The following ASCC3 variants were observed in gnomAD, a reference collection of about 807,000 sequenced individuals.
The protein encoded by ASCC3 is activating signal cointegrator 1 complex subunit 3, also known as ASC-1 complex subunit P200.
In ASCC3, 158 loss-of-function variants were observed where a neutral mutation model predicts 256.3. The observed-to-expected ratio is 0.62, with a 90% CI of 0.54 to 0.70. The LOEUF (loss-of-function observed/expected upper bound fraction) is 0.70. ASCC3 is among the 30% of genes least tolerant of loss of function. The pLI is 0.00. For missense variants in ASCC3, 2,259 were observed against 2,626.0 expected, an observed-to-expected ratio of 0.86 and a Z score of 3.05; for synonymous variants, 948 against 883.4, an observed-to-expected ratio of 1.07 and a Z score of -1.30.
chr6:100,629,982 C>T (rs1343679191), intron 26 of ASCC3, among the ~76,000 whole-genome samples: 2 of 151,986 alleles, frequency 1.3e-5, no homozygotes, highest in East Asian at 3.9e-4. Flanking sequence ...ACTGCAACCT[C>T]CACCTCCCGG....
At chr6:100,812,286 A>G (rs1393427587) in intron 4 of ASCC3, among the ~76,000 whole-genome samples, 1 of 152,210 alleles carries the variant, frequency 6.6e-6, no homozygotes, top group Non-Finnish European at 1.5e-5. Flanking sequence ...AAAGAAATGG[A>G]GAAGTATGAT....
At position 100,609,017 on chromosome 6, in the gene ASCC3, C is replaced by T. The variant is rs545457942; in HGVS notation, c.4786-1929G>A. On this transcript the variant is annotated intron_variant, in intron 30 of 41. Coordinates refer to ENST00000369162, the MANE Select transcript of ASCC3 (RefSeq NM_006828.4). ...GGCCTCGTGATCCGCCCGTCTCGGC[C>T]TCCCAAAGTGCTGGGATTACAGGCG... Among the ~76,000 whole-genome samples, 314 of 150,932 alleles carry T rather than the reference C, an allele frequency of 2.1e-3. 3 individuals are homozygous for T. The highest frequency in any genetic ancestry group is 2.8e-3 in the Admixed American group (43 of 15,094).
At chr6:100,621,745 C>T (rs1773962025) in intron 30 of ASCC3, among the ~76,000 whole-genome samples, 1 of 152,086 alleles carries the variant, frequency 6.6e-6, no homozygotes, top group African/African-American at 2.4e-5. Context: ...TGGGCATATA[C>T]CCAAAGGAAT....
At chr6:100,860,343 TA>T (rs1473992508) in intron 3 of ASCC3, among the ~76,000 whole-genome samples, 5 of 151,954 alleles carry the variant, frequency 3.3e-5, no homozygotes, top group Non-Finnish European at 7.4e-5. Context: ...ATTTTCTCCA[TA>T]AAACTAAATT....
intron 37 of ASCC3, among the ~76,000 whole-genome samples, chr6:100,521,641 T>G (rs1562090658): frequency 1.3e-5 from 2 of 152,164 alleles, no homozygotes; most frequent in African/African-American, 4.8e-5. Flanking sequence ...GGGGGTACTG[T>G]TGTACAAGAT....
chr6:100,539,442 A>G (rs1193290827), intron 37 of ASCC3, among the ~76,000 whole-genome samples: 1 of 152,212 alleles, frequency 6.6e-6, no homozygotes, highest in Non-Finnish European at 1.5e-5. Context: ...AGATATATAA[A>G]TCTAGTTGAT....
chr6:100,614,384 G>A (rs912484891), intron 30 of ASCC3, among the ~76,000 whole-genome samples: 9 of 151,966 alleles, frequency 5.9e-5, no homozygotes, highest in African/African-American at 2.2e-4. Context: ...GAACCTATAA[G>A]GTATAATTTC....
At chr6:100,727,709 AT>A (rs1340029059) in intron 10 of ASCC3, among the ~76,000 whole-genome samples, 1 of 152,056 alleles carries the variant, frequency 6.6e-6, no homozygotes, top group African/African-American at 2.4e-5. Context: ...TTTTATTCAT[AT>A]TTTTACTCTA....
chr6:100,823,350 CA>C (rs773442931), intron 4 of ASCC3, among the ~76,000 whole-genome samples: 1 of 151,588 alleles, frequency 6.6e-6, no homozygotes, highest in African/African-American at 2.4e-5. Flanking sequence ...ACAACAACAA[CA>C]AAAAAAACAG....
chr6:100,635,542 A>C (rs1341282840), intron 25 of ASCC3, among the ~76,000 whole-genome samples: 3 of 152,134 alleles, frequency 2.0e-5, no homozygotes, highest in African/African-American at 7.2e-5. Flanking sequence ...AGTTAATAGC[A>C]CTGCATTATA....
At position 100,647,426 on chromosome 6, in the gene ASCC3, A is replaced by G; in HGVS notation, c.3278T>C (p.Leu1093Pro). ...AQNAARIVRA[L>P]FEIALRKRWP... ...ACGTTTCCTCAGAGCAATTTCAAAAAGAGCACGGACAATTCTAGCTGCATT... is the reference window on the plus strand; with the variant it reads ...ACGTTTCCTCAGAGCAATTTCAAAAGGAGCACGGACAATTCTAGCTGCATT... Residue 1093 changes from leucine to proline, a missense_variant, in exon 21 of 42, where the codon CTT (leucine) becomes CCT (proline). Around this residue, in one of 2 missense-constraint regions of ASCC3, gnomAD observed 1,839 missense variants for 2,206.7 expected, o/e 0.83. Coordinates refer to ENST00000369162, the MANE Select transcript of ASCC3 (RefSeq NM_006828.4). 2 of 1,614,040 alleles carry G rather than the reference A, an allele frequency of 1.2e-6. No individual in the cohort carries two copies. The highest frequency in any genetic ancestry group is 1.7e-6 in the Non-Finnish European group (2 of 1,179,924).
intron 36 of ASCC3, among the ~76,000 whole-genome samples, chr6:100,559,822 C>T (rs1006475484): frequency 6.7e-6 from 1 of 150,124 alleles, no homozygotes; most frequent in Non-Finnish European, 1.5e-5. Context: ...CTCCAACCAA[C>T]CTGGGTCACA....
chr6:100,537,275 C>T (rs1178633215), intron 37 of ASCC3, among the ~76,000 whole-genome samples: 2 of 151,996 alleles, frequency 1.3e-5, no homozygotes, highest in South Asian at 4.2e-4. Flanking sequence ...GTATTCTTGA[C>T]AAAGAATACC....
intron 17 of ASCC3, 86 bp from the exon 18 acceptor site, chr6:100,652,975 T>G: frequency 7.6e-7 from 1 of 1,321,388 alleles, no homozygotes. Flanking sequence ...AAATTAAAAC[T>G]TTTCTTAATG....
At chr6:100,686,390 T>A (rs74837928) in intron 13 of ASCC3, among the ~76,000 whole-genome samples, 2,173 of 152,308 alleles carry the variant, frequency 0.014, 40 homozygotes, top group African/African-American at 0.05. Context: ...GTAGCCACTA[T>A]GTTTCTTGTG....
intron 8 of ASCC3, among the ~76,000 whole-genome samples, chr6:100,794,777 T>C (rs1302081318): frequency 2.0e-5 from 3 of 152,042 alleles, no homozygotes; most frequent in South Asian, 2.1e-4. Context: ...CTAAATCAAG[T>C]GTTATGTTTG....
intron 36 of ASCC3, among the ~76,000 whole-genome samples, chr6:100,559,849 C>CAA (rs35881747): frequency 0.012 from 1,411 of 116,686 alleles, 26 homozygotes; most frequent in African/African-American, 0.039. Flanking sequence ...GACTCCATCT[C>CAA]AAAAAAAAAA....
intron 13 of ASCC3, among the ~76,000 whole-genome samples, chr6:100,707,190 T>C (rs186434319): frequency 3.9e-4 from 60 of 152,258 alleles, no homozygotes; most frequent in African/African-American, 1.4e-3. Flanking sequence ...CAGTCTTTTG[T>C]GGTAGGACCT....
At chr6:100,580,577 T>TTTA (rs369397234) in intron 36 of ASCC3, among the ~76,000 whole-genome samples, 8,205 of 151,058 alleles carry the variant, frequency 0.054, 304 homozygotes, top group Admixed American at 0.12. Flanking sequence ...ATAAAAATCT[T>TTTA]TTATTATTAT....
Sources: gnomAD v4.1 joint callset for allele counts (sites outside exome capture counted in the v4.1 genomes callset) on GRCh38, gnomAD v4.1.1 for gene constraint, gnomAD v4.1.1 regional missense constraint, MANE v1.5 for transcripts, NCBI Gene and HGNC (gene_info 2026-07-23, HGNC 2026-07-21) for gene names.